Variants in AGBL4 observed in about 807,000 individuals in gnomAD.
The protein encoded by AGBL4 is AGBL carboxypeptidase 4.
AGBL4 carries 58 observed loss-of-function variants against 66.4 expected under a neutral mutation model. The ratio of observed to expected loss-of-function variants is 0.87; its 90% CI spans 0.71 to 1.09. The LOEUF (loss-of-function observed/expected upper bound fraction) is 1.09. Ranked by LOEUF, AGBL4 falls within the 50% of genes least tolerant of loss-of-function variation. The pLI, the probability that AGBL4 is intolerant of heterozygous loss-of-function variation, is 0.00. For missense variants in AGBL4, 579 were observed against 631.0 expected (o/e 0.92, Z 0.88); for synonymous variants, 234 against 222.9 (o/e 1.05, Z -0.44).
Position 49,137,036 on chromosome 1 carries a change from C to A in AGBL4, c.378-91236G>T, listed in dbSNP as rs1646025826. On this transcript the variant is annotated intron_variant, in intron 4 of 13. Coordinates refer to ENST00000371839, the MANE Select transcript of AGBL4 (RefSeq NM_032785.4). ...AGCAGAGAATGCTTTATGAACTGGACCAATTCAATGAAATTGAATTTACAA... is the reference window on the plus strand; with the variant it reads ...AGCAGAGAATGCTTTATGAACTGGAACAATTCAATGAAATTGAATTTACAA... 1.3e-5 allele frequency among the ~76,000 whole-genome samples: 2 copies of A among 152,146 alleles called. 1 individual carries two copies. The highest frequency in any genetic ancestry group is 4.1e-4 in the South Asian group (2 of 4,832).
chr1:49,388,525 G>T (rs752364730), intron 3 of AGBL4, among the ~76,000 whole-genome samples: 3 of 152,086 alleles, frequency 2.0e-5, no homozygotes, highest in Non-Finnish European at 4.4e-5. Context: ...CAGAGACATG[G>T]TTAGACCTGT....
intron 1 of AGBL4, among the ~76,000 whole-genome samples, chr1:49,991,342 C>A (rs1406218115): frequency 1.3e-5 from 2 of 151,906 alleles, no homozygotes; most frequent in Non-Finnish European, 2.9e-5. Flanking sequence ...TAATTATATA[C>A]CTATATTTCA....
intron 3 of AGBL4, among the ~76,000 whole-genome samples, chr1:49,643,073 TA>T (rs1385272204): frequency 2.0e-5 from 3 of 151,750 alleles, no homozygotes; most frequent in Admixed American, 2.0e-4. Flanking sequence ...CGCAAGAAGC[TA>T]AAAAAAGGTT....
intron 4 of AGBL4, among the ~76,000 whole-genome samples, chr1:49,156,921 T>G (rs989338387): frequency 4.6e-5 from 7 of 152,146 alleles, no homozygotes; most frequent in African/African-American, 1.4e-4. Flanking sequence ...AAGGTATTAC[T>G]TAACATTCAG....
chr1:48,967,121 A>C (rs1250132798), intron 5 of AGBL4, among the ~76,000 whole-genome samples: 1 of 152,082 alleles, frequency 6.6e-6, no homozygotes, highest in Non-Finnish European at 1.5e-5. Context: ...TTAGAATGTA[A>C]TGGTAGAAAA....
chr1:49,871,979 G>A (rs1646848514), intron 1 of AGBL4, among the ~76,000 whole-genome samples: 3 of 152,064 alleles, frequency 2.0e-5, no homozygotes, highest in Non-Finnish European at 4.4e-5. Flanking sequence ...CATTGAAATA[G>A]AGAGAAAAAC....
chr1:48,704,085 C>T (rs183491836), intron 6 of AGBL4, among the ~76,000 whole-genome samples: 16 of 152,222 alleles, frequency 1.1e-4, no homozygotes, highest in East Asian at 1.9e-4. Flanking sequence ...CTGAGTACTA[C>T]GGGAAATTGT....
intron 5 of AGBL4, among the ~76,000 whole-genome samples, chr1:49,035,675 A>G (rs891798490): frequency 6.6e-6 from 1 of 152,062 alleles, no homozygotes; most frequent in Non-Finnish European, 1.5e-5. Context: ...ATTACTTTAG[A>G]GAGACAATTA....
intron 5 of AGBL4, among the ~76,000 whole-genome samples, chr1:48,925,298 T>C (rs1312672459): frequency 6.6e-6 from 1 of 152,090 alleles, no homozygotes; most frequent in African/African-American, 2.4e-5. Context: ...ATTTTGCACA[T>C]AACCCATGCA....
At chr1:49,152,628 T>A (rs1646358960) in intron 4 of AGBL4, among the ~76,000 whole-genome samples, 1 of 152,122 alleles carries the variant, frequency 6.6e-6, no homozygotes, top group African/African-American at 2.4e-5. Flanking sequence ...GCAGATGGGG[T>A]GAAAATGTTC....
At chr1:49,540,335 C>T (rs1176188798) in intron 3 of AGBL4, among the ~76,000 whole-genome samples, 1 of 152,134 alleles carries the variant, frequency 6.6e-6, no homozygotes, top group Non-Finnish European at 1.5e-5. Context: ...TTCCAACAGG[C>T]AATATACTAT....
intron 5 of AGBL4, among the ~76,000 whole-genome samples, chr1:48,870,650 G>T (rs1197376620): frequency 6.6e-6 from 1 of 152,140 alleles, no homozygotes; most frequent in Non-Finnish European, 1.5e-5. Context: ...CTCTGGGAGG[G>T]TTTCCCTTCT....
chr1:49,007,713 G>A (rs898190155), intron 5 of AGBL4, among the ~76,000 whole-genome samples: 3 of 151,050 alleles, frequency 2.0e-5, no homozygotes, highest in East Asian at 3.9e-4. Flanking sequence ...AGAGAGTGGG[G>A]GCCAATATTC....
chr1:49,315,628 A>G (rs1397165147), intron 3 of AGBL4, among the ~76,000 whole-genome samples: 1 of 152,212 alleles, frequency 6.6e-6, no homozygotes, highest in African/African-American at 2.4e-5. Flanking sequence ...CGGCCAACAA[A>G]CATATGGAAA....
chr1:49,944,940 A>C (rs1202916248), intron 1 of AGBL4, among the ~76,000 whole-genome samples: 1 of 151,906 alleles, frequency 6.6e-6, no homozygotes, highest in Non-Finnish European at 1.5e-5. Flanking sequence ...CTCAGCAATA[A>C]AATCAAACAA....
intron 3 of AGBL4, among the ~76,000 whole-genome samples, chr1:49,293,238 G>A (rs1294038275): frequency 1.3e-5 from 2 of 152,180 alleles, no homozygotes; most frequent in African/African-American, 2.4e-5. Context: ...TGTGTGCAGT[G>A]GTCGGACTCC....
At chr1:49,737,495 T>C (rs530578968) in intron 2 of AGBL4, among the ~76,000 whole-genome samples, 3 of 152,162 alleles carry the variant, frequency 2.0e-5, no homozygotes, top group Admixed American at 1.3e-4. Flanking sequence ...CGCATGGACA[T>C]AAAGATGGGA....
At chr1:48,991,880 T>G (rs902717713) in intron 5 of AGBL4, among the ~76,000 whole-genome samples, 3 of 152,334 alleles carry the variant, frequency 2.0e-5, no homozygotes, top group African/African-American at 7.2e-5. Context: ...TATAGAATTC[T>G]TAATTCCTTG....
At chr1:49,077,633 C>T (rs1474667812) in intron 4 of AGBL4, among the ~76,000 whole-genome samples, 1 of 152,098 alleles carries the variant, frequency 6.6e-6, no homozygotes, top group Non-Finnish European at 1.5e-5. Context: ...ACAAAAATAA[C>T]TCATTCTTTG....
Sources: gnomAD v4.1 joint callset for allele counts (sites outside exome capture counted in the v4.1 genomes callset) on GRCh38, gnomAD v4.1.1 for gene constraint, MANE v1.5 for transcripts, NCBI Gene and HGNC (gene_info 2026-07-23, HGNC 2026-07-21) for gene names.